SPIRE1: variants seen among roughly 807,000 people sequenced by gnomAD.
SPIRE1 encodes spire type actin nucleation factor 1.
Under a neutral mutation model 94.1 loss-of-function variants are expected in SPIRE1, and 40 were observed. The observed-to-expected ratio is 0.43, with a 90% CI of 0.33 to 0.55. The LOEUF is 0.55. SPIRE1 is among the 20% of genes least tolerant of loss of function. The pLI is 0.06. For missense variants in SPIRE1, 838 were observed against 975.2 expected (o/e 0.86, Z 1.87); for synonymous variants, 376 against 371.7 (o/e 1.01, Z -0.13).
intron 3 of SPIRE1, among the ~76,000 whole-genome samples, chr18:12,546,457 A>G (rs1485926363): frequency 6.6e-6 from 1 of 151,884 alleles, no homozygotes; most frequent in African/African-American, 2.4e-5. Context: ...ACATAGCAAG[A>G]CCTCATCTCT....
In SPIRE1 at chr18:12,449,768, C is replaced by G; in HGVS notation, c.2141G>C (p.Ser714Thr). 6.2e-7 allele frequency: 1 copy of G among 1,614,140 alleles called. No homozygotes were observed. Among genetic ancestry groups the G allele is most frequent in the East Asian group, 2.2e-5 (1 of 44,870 alleles). The part of the protein sequence containing the change: ...DCKKFISEII[S>T]SSRRSLVLAN... Reference sequence around the variant, plus strand: ...CAACACCAGACTGCGCCGGCTTGAACTGATGATTTCCGAAATGAACTTCTT... The same window carrying G: ...CAACACCAGACTGCGCCGGCTTGAAGTGATGATTTCCGAAATGAACTTCTT... The change falls in exon 17 of 17, where the codon AGT becomes ACT. Residue 714 changes from serine to threonine, a missense_variant. By Grantham distance (58) the Ser-to-Thr change is moderately conservative (BLOSUM62 1). Around this residue, in one of 2 missense-constraint regions of SPIRE1, gnomAD observed 645 missense variants for 804.7 expected, o/e 0.80. Transcript: ENST00000409402.
At chr18:12,555,677 A>G (rs2035484383) in intron 2 of SPIRE1, among the ~76,000 whole-genome samples, 1 of 152,238 alleles carries the variant, frequency 6.6e-6, no homozygotes, top group African/African-American at 2.4e-5. Flanking sequence ...TCTCAAAACA[A>G]TAAAAGGCAT....
chr18:12,627,094 T>C (rs2037652695), intron 2 of SPIRE1, among the ~76,000 whole-genome samples: 1 of 152,018 alleles, frequency 6.6e-6, no homozygotes, highest in South Asian at 2.1e-4. Context: ...GTTATTATAC[T>C]TTAAGTTCTA....
At chr18:12,611,356 G>A (rs1362909619) in intron 2 of SPIRE1, among the ~76,000 whole-genome samples, 1 of 152,122 alleles carries the variant, frequency 6.6e-6, no homozygotes, top group African/African-American at 2.4e-5. Context: ...TATATATCTT[G>A]GATCATCCTC....
At chr18:12,481,665 C>T (rs2032847916) in intron 9 of SPIRE1, among the ~76,000 whole-genome samples, 1 of 151,944 alleles carries the variant, frequency 6.6e-6, no homozygotes, top group Non-Finnish European at 1.5e-5. Context: ...TTTACTGTTA[C>T]CTTCCCAGGC....
chr18:12,624,899 C>A (rs1393450124), intron 2 of SPIRE1, among the ~76,000 whole-genome samples: 2 of 151,748 alleles, frequency 1.3e-5, no homozygotes, highest in African/African-American at 4.8e-5. Context: ...AAATCCTTTG[C>A]CAGACATATA....
intron 2 of SPIRE1, among the ~76,000 whole-genome samples, chr18:12,584,826 CT>C (rs1461803989): frequency 6.6e-6 from 1 of 152,122 alleles, no homozygotes; most frequent in East Asian, 1.9e-4. Flanking sequence ...GTTGCCCAGG[CT>C]GGAGTGCAGT....
chr18:12,495,575 A>AT (rs2033427969), intron 7 of SPIRE1, among the ~76,000 whole-genome samples: 1 of 152,172 alleles, frequency 6.6e-6, no homozygotes, highest in Admixed American at 6.5e-5. Context: ...TAATTTTAAG[A>AT]TTTTTCAGTG....
chr18:12,458,259 G>A (rs116317709), intron 12 of SPIRE1, among the ~76,000 whole-genome samples: 1 of 151,924 alleles, frequency 6.6e-6, no homozygotes, highest in Non-Finnish European at 1.5e-5. Flanking sequence ...AAACCAAAGA[G>A]AGGCAAATTT....
chr18:12,585,659 A>C (rs2036375513), intron 2 of SPIRE1, among the ~76,000 whole-genome samples: 1 of 152,252 alleles, frequency 6.6e-6, no homozygotes, highest in Non-Finnish European at 1.5e-5. Context: ...TATGCTATTA[A>C]ACACAATGAG....
At chr18:12,470,317 G>T (rs2032302073) in intron 10 of SPIRE1, among the ~76,000 whole-genome samples, 1 of 152,132 alleles carries the variant, frequency 6.6e-6, no homozygotes, top group African/African-American at 2.4e-5. Flanking sequence ...TTTGACATTA[G>T]CATCTGATGT....
At chr18:12,595,484 C>T (rs2036646395) in intron 2 of SPIRE1, among the ~76,000 whole-genome samples, 1 of 152,180 alleles carries the variant, frequency 6.6e-6, no homozygotes, top group Non-Finnish European at 1.5e-5. Flanking sequence ...TCAGGGTCAA[C>T]TGTATAAACA....
intron 2 of SPIRE1, among the ~76,000 whole-genome samples, chr18:12,600,030 G>A (rs1216581417): frequency 6.7e-6 from 1 of 148,622 alleles, no homozygotes; most frequent in Non-Finnish European, 1.5e-5. Flanking sequence ...GCCACGTTGG[G>A]AACCCACATG....
In SPIRE1 at chr18:12,650,748, A is replaced by G. The variant is rs1036172010; in HGVS notation, c.337+6782T>C. Among the ~76,000 whole-genome samples, 3 of 151,130 alleles carry G rather than the reference A, an allele frequency of 2.0e-5. No individual in the cohort carries two copies. The South Asian group carries it at 6.3e-4, about 32-fold the overall frequency. The stretch of plus-strand genomic sequence containing the variant: ...AAAAAAATTACCCAGGCATGGTGAC[A>G]CATGCCTGTAGTCCCAGCTACTCGG... On this transcript the variant is annotated intron_variant, in intron 1 of 16. Transcript: ENST00000409402.
chr18:12,468,796 C>T (rs545413265), intron 10 of SPIRE1, among the ~76,000 whole-genome samples: 170 of 152,272 alleles, frequency 1.1e-3, no homozygotes, highest in African/African-American at 3.9e-3. Flanking sequence ...TGGTAGCTCG[C>T]CCCTGCATTC....
Position 12,446,938 on chromosome 18 carries a change from TA to T in SPIRE1, c.*2699del, listed in dbSNP as rs1408884818. On this transcript the variant is annotated 3_prime_UTR_variant, in exon 17 of 17. Coordinates refer to ENST00000409402, the MANE Select transcript of SPIRE1 (RefSeq NM_001128626.2). ...AAGAATTAAAATCTAGTAAGATTGT[TA>T]AATCAACGTACGTCAATCATTCATT... The T allele has an allele frequency of 6.6e-6, 1 of 152,250 alleles. No homozygotes were observed. The highest frequency in any genetic ancestry group is 1.9e-4 in the East Asian group (1 of 5,204). The allele number at this position is 152,250 out of a possible 1,614,324, so 9.4% of individuals were successfully genotyped here. A position where few individuals can be genotyped will look rare whatever the true frequency, so the allele number is the denominator to read the frequency against.
intron 4 of SPIRE1, among the ~76,000 whole-genome samples, chr18:12,525,215 T>C (rs1465579575): frequency 3.0e-5 from 4 of 135,484 alleles, no homozygotes; most frequent in Non-Finnish European, 6.1e-5. Context: ...AGGCGGAGCT[T>C]GCAGTGAGCT....
intron 8 of SPIRE1, among the ~76,000 whole-genome samples, chr18:12,489,553 T>C (rs118018443): frequency 0.019 from 2,951 of 152,312 alleles, 53 homozygotes; most frequent in Middle Eastern, 0.041. Flanking sequence ...TTAAGATGTT[T>C]AGAAGAAAAC....
intron 6 of SPIRE1, among the ~76,000 whole-genome samples, chr18:12,503,604 TG>T (rs2033736139): frequency 6.6e-6 from 1 of 152,116 alleles, no homozygotes; most frequent in Non-Finnish European, 1.5e-5. Context: ...TTGGATATGT[TG>T]GGTTTTTTTC....
Sources: allele counts gnomAD v4.1 joint callset (sites outside exome capture counted in the v4.1 genomes callset), GRCh38; gene constraint gnomAD v4.1.1; regional missense constraint gnomAD v4.1.1; transcripts MANE v1.5; gene names NCBI Gene and HGNC (gene_info 2026-07-23, HGNC 2026-07-21).